Variants in IQGAP2 observed in about 807,000 individuals in gnomAD.
The protein encoded by IQGAP2 is ras GTPase-activating-like protein IQGAP2.
In IQGAP2, 173 loss-of-function variants were observed where a neutral mutation model predicts 201.3. The ratio of observed to expected loss-of-function variants is 0.86; its 90% confidence interval spans 0.76 to 0.98. IQGAP2 has a LOEUF of 0.98. Ranked by LOEUF, IQGAP2 falls within the 50% of genes least tolerant of loss-of-function variation. IQGAP2 has a pLI of 0.00. For missense variants in IQGAP2, 1,687 were observed against 1,864.8 expected (o/e 0.90, Z 1.76); for synonymous variants, 675 against 673.9 (o/e 1.00, Z -0.03).
chr5:76,475,196 G>A (rs988298155), intron 2 of IQGAP2, among the ~76,000 whole-genome samples: 2 of 152,174 alleles, frequency 1.3e-5, no homozygotes, highest in Non-Finnish European at 2.9e-5. Context: ...GTCACCATCT[G>A]CTGAGGTGAG....
chr5:76,422,645 A>T (rs1204307644), intron 1 of IQGAP2, among the ~76,000 whole-genome samples: 1 of 152,056 alleles, frequency 6.6e-6, no homozygotes, highest in Non-Finnish European at 1.5e-5. Context: ...CTTAACCCCG[A>T]GTCTCTGGTC....
intron 2 of IQGAP2, among the ~76,000 whole-genome samples, chr5:76,534,400 G>A (rs1301366394): frequency 6.6e-6 from 1 of 152,168 alleles, no homozygotes; most frequent in Non-Finnish European, 1.5e-5. Context: ...TTTACTATCA[G>A]AACATTTACA....
At chr5:76,683,402 C>G (rs1745474441) in intron 29 of IQGAP2, among the ~76,000 whole-genome samples, 185 bp downstream of exon 29, 1 of 152,060 alleles carries the variant, frequency 6.6e-6, no homozygotes, top group Admixed American at 6.6e-5. Context: ...TTAATGGAGT[C>G]CGGGATTATA....
intron 15 of IQGAP2, among the ~76,000 whole-genome samples, chr5:76,632,549 C>T (rs987312032): frequency 6.6e-6 from 1 of 152,172 alleles, no homozygotes; most frequent in Admixed American, 6.5e-5. Flanking sequence ...CAGTTTGATA[C>T]TCATTTTTCA....
At chr5:76,411,626 C>T (rs748387698) in intron 1 of IQGAP2, among the ~76,000 whole-genome samples, 27 of 152,102 alleles carry the variant, frequency 1.8e-4, no homozygotes, top group Non-Finnish European at 3.4e-4. Context: ...TTCACCCATG[C>T]GATGCCTTTT....
At chr5:76,446,124 A>G (rs890886004) in intron 1 of IQGAP2, among the ~76,000 whole-genome samples, 5 of 152,048 alleles carry the variant, frequency 3.3e-5, no homozygotes, top group African/African-American at 1.2e-4. Flanking sequence ...CCTTTTGGCT[A>G]TTGTGAATAG....
At chr5:76,577,552 T>C (rs544978203) in intron 5 of IQGAP2, among the ~76,000 whole-genome samples, 1 of 152,342 alleles carries the variant, frequency 6.6e-6, no homozygotes, top group African/African-American at 2.4e-5. Context: ...AGCATTCTCC[T>C]CGCTTTTCTT....
intron 27 of IQGAP2, among the ~76,000 whole-genome samples, chr5:76,675,598 T>C (rs1013521112): frequency 6.6e-6 from 1 of 152,208 alleles, no homozygotes; most frequent in South Asian, 2.1e-4. Flanking sequence ...GGAAACACTT[T>C]CCTCTTGTCA....
At chr5:76,492,633 A>G (rs541449777) in intron 2 of IQGAP2, among the ~76,000 whole-genome samples, 1 of 152,330 alleles carries the variant, frequency 6.6e-6, no homozygotes, top group South Asian at 2.1e-4. Flanking sequence ...ATCCTGACGT[A>G]CAGAAGAGTG....
In IQGAP2 at chr5:76,671,824, G is replaced by A; in HGVS notation, c.2909G>A (p.Ser970Asn). 1 of 1,614,118 alleles carries A rather than the reference G, an allele frequency of 6.2e-7. No homozygotes were observed. The highest frequency in any genetic ancestry group is 8.5e-7 in the Non-Finnish European group (1 of 1,180,006). The change falls in exon 24 of 36, where the codon AGC (serine) becomes AAC (asparagine). Residue 970 changes from serine to asparagine, a missense_variant. Ser to Asn is a conservative substitution (Grantham distance 46). Transcript: ENST00000274364. ...CCTACAGTCATCAAGATGGTCGTCA[G>A]CTTCAATAGAGGTGCCCGGGGACAG... is the stretch of plus-strand genomic sequence containing the variant. The part of the protein sequence containing the change: ...GNPTVIKMVV[S>N]FNRGARGQNT...
intron 35 of IQGAP2, among the ~76,000 whole-genome samples, chr5:76,705,875 T>A (rs1747846388): frequency 6.6e-6 from 1 of 152,246 alleles, no homozygotes; most frequent in Admixed American, 6.5e-5. Flanking sequence ...AAAGGCTTCC[T>A]GTACCTATGT....
chr5:76,428,513 C>A (rs1235047922), intron 1 of IQGAP2, among the ~76,000 whole-genome samples: 1 of 150,754 alleles, frequency 6.6e-6, no homozygotes, highest in South Asian at 2.1e-4. Context: ...TCTCTGCAAC[C>A]TCCACCTCAC....
intron 1 of IQGAP2, among the ~76,000 whole-genome samples, chr5:76,443,515 G>C (rs1338120712): frequency 6.6e-6 from 1 of 151,190 alleles, no homozygotes; most frequent in African/African-American, 2.4e-5. Context: ...GGACAGAATG[G>C]TATATTAAGA....
chr5:76,489,780 A>C (rs1391073008), intron 2 of IQGAP2, among the ~76,000 whole-genome samples: 1 of 152,196 alleles, frequency 6.6e-6, no homozygotes, highest in Non-Finnish European at 1.5e-5. Context: ...ATACACTTTT[A>C]AAAATAATAG....
intron 2 of IQGAP2, among the ~76,000 whole-genome samples, chr5:76,549,407 TCA>T (rs1743300296): frequency 6.6e-6 from 1 of 151,570 alleles, no homozygotes; most frequent in Non-Finnish European, 1.5e-5. Context: ...ATTGTAGAAT[TCA>T]CAGTCTAACT....
chr5:76,522,384 T>C (rs1453104441), intron 2 of IQGAP2, among the ~76,000 whole-genome samples: 2 of 152,100 alleles, frequency 1.3e-5, no homozygotes, highest in East Asian at 3.9e-4. Context: ...AGTTTCGCCA[T>C]GTTGGCCAGG....
At chr5:76,572,545 T>C (rs1745189685) in intron 4 of IQGAP2, among the ~76,000 whole-genome samples, 1 of 152,062 alleles carries the variant, frequency 6.6e-6, no homozygotes, top group Non-Finnish European at 1.5e-5. Context: ...CCCCCCGAGT[T>C]ATCAAGTGTA....
At chr5:76,452,176 G>A (rs1474904691) in intron 1 of IQGAP2, among the ~76,000 whole-genome samples, 13 of 147,116 alleles carry the variant, frequency 8.8e-5, no homozygotes, top group East Asian at 1.9e-4. Context: ...TGATCTACCC[G>A]AGTGCTGGGA....
intron 1 of IQGAP2, among the ~76,000 whole-genome samples, chr5:76,443,149 A>G (rs1420781471): frequency 6.6e-6 from 1 of 152,252 alleles, no homozygotes; most frequent in Admixed American, 6.5e-5. Context: ...GAGAACGCTT[A>G]TTGCCCTACA....
Sources: allele counts gnomAD v4.1 joint callset (sites outside exome capture counted in the v4.1 genomes callset), GRCh38; gene constraint gnomAD v4.1.1; transcripts MANE v1.5; gene names NCBI Gene and HGNC (gene_info 2026-07-23, HGNC 2026-07-21).